Variants in KNL1 observed in about 807,000 individuals in gnomAD.
KNL1 encodes kinetochore scaffold 1, also known as outer kinetochore KNL1 complex subunit KNL1.
In KNL1, 66 loss-of-function variants were observed where a neutral mutation model predicts 201.3. The observed-to-expected ratio is 0.33, with a 90% CI of 0.27 to 0.40. KNL1 has a LOEUF of 0.40. KNL1 is among the 10% of genes least tolerant of loss of function. The probability of loss-of-function intolerance (pLI) is 1.00; values close to 1 mark genes in which losing one functional copy is unlikely to be tolerated. For missense variants in KNL1, 2,815 were observed against 2,690.5 expected, an observed-to-expected ratio of 1.05 and a Z score of -1.02; for synonymous variants, 895 against 899.2, an observed-to-expected ratio of 1.00 and a Z score of 0.08.
In KNL1 at chr15:40,598,127, T is replaced by C. The variant is rs989366877; in HGVS notation, c.-18+3735T>C. 4.8e-5 allele frequency among the ~76,000 whole-genome samples: 7 copies of C among 146,190 alleles called. No individual in the cohort carries two copies. The South Asian group carries it at 1.5e-3, about 31-fold the overall frequency. The stretch of plus-strand genomic sequence containing the variant: ...ATGGGGATGTTGTGGTGAGCTGAGA[T>C]GGCACCATTGCTCTCTAGCCTGGGC... On this transcript the variant is annotated intron_variant, in intron 1 of 25. Coordinates refer to ENST00000399668, the MANE Select transcript of KNL1 (RefSeq NM_144508.5).
At chr15:40,599,202 C>T (rs1167250453) in intron 1 of KNL1, among the ~76,000 whole-genome samples, 1 of 150,494 alleles carries the variant, frequency 6.6e-6, no homozygotes, top group Non-Finnish European at 1.5e-5. Flanking sequence ...CCTATAGTCC[C>T]AGCTACTAGG....
chr15:40,632,542 C>T (rs978713356), intron 13 of KNL1, among the ~76,000 whole-genome samples: 1 of 151,778 alleles, frequency 6.6e-6, no homozygotes, highest in African/African-American at 2.4e-5. Context: ...GCAGAACTTG[C>T]AAGGAGCCAA....
At chr15:40,646,875 A>T (rs945062402) in intron 16 of KNL1, 112 bp from the exon 17 acceptor site, 16 of 493,836 alleles carry the variant, frequency 3.2e-5, no homozygotes, top group Non-Finnish European at 4.8e-5. Context: ...AAAAAAAAAA[A>T]AAAGATTTGC....
chr15:40,634,474 T>A (rs1426623685), intron 13 of KNL1, among the ~76,000 whole-genome samples: 1 of 152,194 alleles, frequency 6.6e-6, no homozygotes, highest in Non-Finnish European at 1.5e-5. Context: ...GTGGATTATA[T>A]CTCCATAAAG....
rs1374264771 is a variant in KNL1, at chr15:40,623,258, C to A, written c.2994C>A (p.Phe998Leu). 3 of 1,613,900 alleles carry A rather than the reference C, an allele frequency of 1.9e-6. No homozygotes were observed. Among genetic ancestry groups the A allele is most frequent in the Admixed American group, 1.7e-5 (1 of 59,994 alleles). ...VICTPTEESV[F>L]FPGNGESDRL... ...GTACTCCTACTGAGGAGAGTGTTTTCTTTCCAGGAAATGGTGAAAGTGACC... is the reference window on the plus strand; with the variant it reads ...GTACTCCTACTGAGGAGAGTGTTTTATTTCCAGGAAATGGTGAAAGTGACC... The change falls in exon 10 of 26, where the codon TTC (phenylalanine) becomes TTA (leucine). Residue 998 changes from phenylalanine (F) to leucine (L), a missense_variant. By Grantham distance (22) the Phe-to-Leu change is conservative (BLOSUM62 0). Coordinates refer to ENST00000399668, the MANE Select transcript of KNL1 (RefSeq NM_144508.5).
chr15:40,647,479 A>T (rs1390666679), intron 17 of KNL1, among the ~76,000 whole-genome samples: 3 of 152,074 alleles, frequency 2.0e-5, no homozygotes, highest in African/African-American at 7.2e-5. Flanking sequence ...ATCTCAAAAA[A>T]AATAATAATA....
rs766738072 is a variant in KNL1, at chr15:40,622,315, C to G, written c.2051C>G (p.Thr684Ser). ...YCGGVLDKQI[T>S]NRNTVSWEQS... is the part of the protein sequence containing the mutation. The stretch of plus-strand genomic sequence containing the variant: ...GGTGGAGTTCTTGATAAACAAATAA[C>G]TAATAGAAATACAGTATCATGGGAA... The change falls in exon 10 of 26, where the codon ACT (threonine) becomes AGT (serine). Residue 684 changes from threonine to serine, a missense_variant. By Grantham distance (58) the Thr-to-Ser change is moderately conservative. Coordinates refer to ENST00000399668, the MANE Select transcript of KNL1 (RefSeq NM_144508.5). 23 of 1,613,636 alleles carry G rather than the reference C, an allele frequency of 1.4e-5. No individual in the cohort carries two copies. The East Asian group carries it at 4.9e-4, about 34-fold the overall frequency.
chr15:40,659,263 C>CAAAA, intron 24 of KNL1, 76 bp from the exon 25 acceptor site: 11 of 1,045,628 alleles, frequency 1.1e-5, no homozygotes, highest in Admixed American at 2.9e-5. Flanking sequence ...GACTCCGTCT[C>CAAAA]AAAAAAAAAA....
At chr15:40,610,115 T>C in intron 5 of KNL1, 130 bp from the exon 6 acceptor site, 1 of 579,672 alleles carries the variant, frequency 1.7e-6, no homozygotes, top group Non-Finnish European at 3.1e-6. Context: ...ACTAGGAGTA[T>C]ATGGCATAGC....
At chr15:40,613,788 ATTATTTTATT>A (rs569303273) in intron 7 of KNL1, among the ~76,000 whole-genome samples, 5 of 150,538 alleles carry the variant, frequency 3.3e-5, no homozygotes, top group East Asian at 2.0e-4. Flanking sequence ...TTTTATTTTT[ATTATTTTATT>A]TTATTTTATT....
intron 17 of KNL1, 30 bp from the exon 18 acceptor site, chr15:40,650,271 A>G: frequency 7.3e-7 from 1 of 1,366,624 alleles, no homozygotes; most frequent in Non-Finnish European, 1.0e-6. Context: ...TTTTTCACTG[A>G]ATTATTCTAA....
intron 23 of KNL1, 90 bp downstream of exon 23, chr15:40,657,241 C>A: frequency 9.7e-7 from 1 of 1,029,188 alleles, no homozygotes; most frequent in Non-Finnish European, 1.5e-6. Flanking sequence ...ATAGTGGATC[C>A]TGAAATGATA....
chr15:40,662,273 C>A lies in KNL1; in HGVS notation c.*85C>A. 1.3e-6 allele frequency: 1 copy of A among 764,598 alleles called. No homozygotes were observed. Among genetic ancestry groups the A allele is most frequent in the Non-Finnish European group, 2.3e-6 (1 of 437,276 alleles). The allele number at this position is 764,598 out of a possible 1,614,324, so 47.4% of individuals were successfully genotyped here. ...CATTGCTGTTCAGCCTTTGTTTTTA[C>A]GTCATTACAAGCTGAGTAAAATTCC... On this transcript the variant is annotated 3_prime_UTR_variant, in exon 26 of 26. Transcript: ENST00000399668.
chr15:40,651,592 A>G lies in KNL1; in HGVS notation c.6314+20A>G. The G allele has an allele frequency of 2.6e-6, 4 of 1,527,688 alleles. No individual in the cohort carries two copies. Among genetic ancestry groups the G allele is most frequent in the Non-Finnish European group, 3.6e-6 (4 of 1,117,296 alleles). The allele number at this position is 1,527,688 out of a possible 1,614,324, so 94.6% of individuals were successfully genotyped here. ...GTTGAGGTAAGGAAATGCAGGCATCATTTGTTTGTGTTTTATTCTGTACCT... is the reference window on the plus strand; with the variant it reads ...GTTGAGGTAAGGAAATGCAGGCATCGTTTGTTTGTGTTTTATTCTGTACCT... On this transcript the variant is annotated intron_variant, in intron 20 of 25. Transcript: ENST00000399668.
intron 9 of KNL1, 91 bp downstream of exon 9, chr15:40,619,102 A>G: frequency 1.1e-6 from 1 of 905,902 alleles, no homozygotes; most frequent in East Asian, 2.5e-5. Context: ...TAGTTTAGGG[A>G]TGACTTAAAA....
rs1304508318 is a variant in KNL1 at position 40,663,995 on chromosome 15, G to A, written c.*1807G>A. ...AATCAAGATATAGATGTTCTGTTCC[G>A]TAAACTCCTTGAAAAACATTTTAAA... On this transcript the variant is annotated 3_prime_UTR_variant, in exon 26 of 26. Transcript: ENST00000399668. 3.8e-5 allele frequency: 7 copies of A among 186,048 alleles called. No homozygotes were observed. The highest frequency in any genetic ancestry group is 2.0e-4 in the South Asian group (1 of 5,108). The allele number at this position is 186,048 out of a possible 1,614,324, so 11.5% of individuals were successfully genotyped here.
chr15:40,634,134 TTCTC>T (rs765835223), intron 13 of KNL1, among the ~76,000 whole-genome samples: 3 of 152,120 alleles, frequency 2.0e-5, no homozygotes, highest in Non-Finnish European at 4.4e-5. Flanking sequence ...GAGATGGAGT[TTCTC>T]TCTTACTGCC....
intron 14 of KNL1, chr15:40,643,431 T>G (rs1311334674): frequency 6.6e-6 from 1 of 152,216 alleles, no homozygotes; most frequent in Non-Finnish European, 1.5e-5. Context: ...CCCAAAGTCC[T>G]GGGATTACAG....
At chr15:40,595,675 A>G (rs1891600221) in intron 1 of KNL1, among the ~76,000 whole-genome samples, 1 of 152,224 alleles carries the variant, frequency 6.6e-6, no homozygotes, top group African/African-American at 2.4e-5. Context: ...GAAAATGGTA[A>G]TGTTTTATAT....
Sources: gnomAD v4.1 joint callset for allele counts (sites outside exome capture counted in the v4.1 genomes callset) on GRCh38, gnomAD v4.1.1 for gene constraint, MANE v1.5 for transcripts, NCBI Gene and HGNC (gene_info 2026-07-23, HGNC 2026-07-21) for gene names.